The following TRMT10A variants were observed in gnomAD, a reference collection of about 807,000 sequenced individuals.
The protein encoded by TRMT10A is tRNA methyltransferase 10 homolog A.
Under a neutral mutation model 40.4 loss-of-function variants are expected in TRMT10A, and 37 were observed. That is an observed-to-expected ratio of 0.92 (90% confidence interval 0.71 to 1.21). The LOEUF is 1.21. Among genes scored for constraint, TRMT10A ranks in the 50% most tolerant of loss-of-function variants. TRMT10A has a pLI of 0.00. For synonymous variants in TRMT10A, 103 were observed against 134.1 expected, an observed-to-expected ratio of 0.77 and a Z score of 1.60; for missense variants, 388 against 404.3, an observed-to-expected ratio of 0.96 and a Z score of 0.35.
chr4:99,556,745 ATATC>A (rs1483630323), intron 4 of TRMT10A, among the ~76,000 whole-genome samples: 1 of 152,194 alleles, frequency 6.6e-6, no homozygotes, highest in Non-Finnish European at 1.5e-5. Flanking sequence ...TAAAAACAAA[ATATC>A]TAACCAAAAT....
At position 99,549,191 on chromosome 4, in the gene TRMT10A, G is replaced by C; in HGVS notation, c.917C>G (p.Ser306Cys). The C allele has an allele frequency of 6.2e-7, 1 of 1,613,924 alleles. No homozygotes were observed. Residue 306 changes from serine to cysteine, a missense_variant, in exon 8 of 8, where the codon TCC (serine) becomes TGC (cysteine). Transcript: ENST00000394876. ...RMEEGGSDSD[S>C]SEEEYSRNEL... is the part of the protein sequence containing the mutation. ...ATTTCTGCTATATTCCTCCTCACTG[G>C]AATCACTGTCCGATCCACCTTCCTC...
Position 99,558,136 on chromosome 4 carries a change from A to G in TRMT10A, c.261T>C (p.His87=). The G allele has an allele frequency of 6.2e-7, 1 of 1,612,618 alleles. No individual in the cohort carries two copies. The highest frequency in any genetic ancestry group is 8.5e-7 in the Non-Finnish European group (1 of 1,179,398). ...CATCTCTTCGAACACGTTTTCTGTC[A>G]TGTCCATCTGAGTTTGGTTCCATTT... is the stretch of plus-strand genomic sequence containing the variant. ...QCQMEPNSDG[H]DRKRVRRDVV... The change falls in exon 3 of 8, where the codon CAT becomes CAC. Residue 87 remains histidine (H), a synonymous_variant. Transcript: ENST00000394876.
Position 99,548,765 on chromosome 4 carries a change from C to A in TRMT10A, c.*323G>T. 5.3e-6 allele frequency: 1 copy of A among 189,286 alleles called. No individual in the cohort carries two copies. The allele number at this position is 189,286 out of a possible 1,614,324, so 11.7% of individuals were successfully genotyped here. A position where few individuals can be genotyped will look rare whatever the true frequency, so the allele number is the denominator to read the frequency against. On this transcript the variant is annotated 3_prime_UTR_variant, in exon 8 of 8. Coordinates refer to ENST00000394876, the MANE Select transcript of TRMT10A (RefSeq NM_001134665.3). ...CTATAAAATTAAAAAACTGAAAGGT[C>A]AGAAGGCACATTCTAAAGAATATAA...
At chr4:99,550,002 T>C (rs1032220839) in intron 7 of TRMT10A, among the ~76,000 whole-genome samples, 5 of 152,210 alleles carry the variant, frequency 3.3e-5, no homozygotes, top group African/African-American at 9.7e-5. Flanking sequence ...TAATAAGTAG[T>C]TGTGTATTGA....
intron 3 of TRMT10A, 141 bp downstream of exon 3, chr4:99,557,908 T>C (rs1578212030): frequency 5.5e-6 from 4 of 728,716 alleles, no homozygotes; most frequent in Admixed American, 3.5e-5. Context: ...ATTTGCTAGC[T>C]AATTTAACTT....
intron 1 of TRMT10A, among the ~76,000 whole-genome samples, chr4:99,562,201 A>ATATG (rs374134499): frequency 2.9e-4 from 39 of 136,186 alleles, no homozygotes; most frequent in South Asian, 1.9e-3. Context: ...ATATATATAT[A>ATATG]TGTGTGTGTG....
Position 99,547,583 on chromosome 4 carries a change from G to GA in TRMT10A, c.*1504dup, listed in dbSNP as rs1723785809. On this transcript the variant is annotated 3_prime_UTR_variant, in exon 8 of 8. Coordinates refer to ENST00000394876, the MANE Select transcript of TRMT10A (RefSeq NM_001134665.3). The stretch of plus-strand genomic sequence containing the variant: ...TTTACTCAGAAAAACATGAACCTTT[G>GA]AAAAAATACAACTTAAGACATAAGC... 1.3e-5 allele frequency: 2 copies of GA among 151,822 alleles called. No individual in the cohort carries two copies. Among genetic ancestry groups the GA allele is most frequent in the African/African-American group, 4.8e-5 (2 of 41,338 alleles). The allele number at this position is 151,822 out of a possible 1,614,324, so 9.4% of individuals were successfully genotyped here.
rs755516720 is a variant in TRMT10A at position 99,549,123 on chromosome 4, G to C, written c.985C>G (p.His329Asp). Residue 329 changes from histidine to aspartate, a missense_variant, in exon 8 of 8, where the codon CAC becomes GAC. By Grantham distance (81) the His-to-Asp change is moderately conservative. Transcript: ENST00000394876. ...AGAGAGTTCACTGTAGATTCAGTGT[G>C]ATTTTCCTTATCCTGCTTTTCTTCA... The part of the protein sequence containing the change: ...PHEEKQDKEN[H>D]TESTVNSLPH 2 of 1,614,034 alleles carry C rather than the reference G, an allele frequency of 1.2e-6. No homozygotes were observed. Among genetic ancestry groups the C allele is most frequent in the Non-Finnish European group, 1.7e-6 (2 of 1,179,954 alleles).
chr4:99,551,023 C>A, intron 6 of TRMT10A, 33 bp from the exon 7 acceptor site: 1 of 1,435,944 alleles, frequency 7.0e-7, no homozygotes, highest in Non-Finnish European at 9.6e-7. Flanking sequence ...TCGACAAGAA[C>A]ATTAAATTAT....
chr4:99,557,528 C>T, intron 3 of TRMT10A, 112 bp from the exon 4 acceptor site: 1 of 808,800 alleles, frequency 1.2e-6, no homozygotes, highest in Non-Finnish European at 1.9e-6. Context: ...TACAATTTTT[C>T]TTCTTAAATA....
chr4:99,554,013 C>T (rs879551628), intron 5 of TRMT10A, 79 bp from the exon 6 acceptor site: 20 of 1,407,090 alleles, frequency 1.4e-5, no homozygotes, highest in Non-Finnish European at 1.6e-5. Flanking sequence ...TCTCTTTTCC[C>T]AAAACAAATC....
Position 99,549,267 on chromosome 4 carries a change from T to C in TRMT10A, c.841A>G (p.Thr281Ala). 2 of 1,614,158 alleles carry C rather than the reference T, an allele frequency of 1.2e-6. No individual in the cohort carries two copies. Among genetic ancestry groups the C allele is most frequent in the Non-Finnish European group, 1.7e-6 (2 of 1,180,004 alleles). The change falls in exon 8 of 8, where the codon ACA (threonine) becomes GCA (alanine). Residue 281 changes from threonine to alanine, a missense_variant. Thr to Ala is a moderately conservative substitution (Grantham distance 58). Coordinates refer to ENST00000394876, the MANE Select transcript of TRMT10A (RefSeq NM_001134665.3). ...ILPQRKGAVP[T>A]DKACESASHD... is the part of the protein sequence containing the mutation. Reference sequence around the variant, plus strand: ...GAAGCACTTTCACAGGCTTTGTCTGTGGGAACAGCTCCTTTCCGTTGGGGC... The same window carrying C: ...GAAGCACTTTCACAGGCTTTGTCTGCGGGAACAGCTCCTTTCCGTTGGGGC...
chr4:99,560,374 A>T (rs2110194046), intron 1 of TRMT10A, among the ~76,000 whole-genome samples: 1 of 152,294 alleles, frequency 6.6e-6, no homozygotes, highest in African/African-American at 2.4e-5. Context: ...AGACATAAAA[A>T]GTTCAATAGA....
intron 5 of TRMT10A, among the ~76,000 whole-genome samples, 188 bp from the exon 6 acceptor site, chr4:99,554,122 T>C (rs1724069360): frequency 6.6e-6 from 1 of 152,170 alleles, no homozygotes; most frequent in South Asian, 2.1e-4. Flanking sequence ...CTTTGATCAT[T>C]TAAATAGCCT....
At chr4:99,561,285 A>G (rs187998415) in intron 1 of TRMT10A, among the ~76,000 whole-genome samples, 63 of 152,166 alleles carry the variant, frequency 4.1e-4, no homozygotes, top group African/African-American at 1.1e-3. Context: ...CTTTTTAAAG[A>G]GCAATGTAAT....
intron 6 of TRMT10A, among the ~76,000 whole-genome samples, chr4:99,553,183 T>G (rs111694387): frequency 0.023 from 3,527 of 152,244 alleles, 107 homozygotes; most frequent in Middle Eastern, 0.1. Flanking sequence ...TTTCAAGTGC[T>G]CAATAGCCAC....
chr4:99,559,169 T>C lies in TRMT10A; in HGVS notation c.170A>G (p.Gln57Arg), dbSNP rs750640841. 2 of 1,612,446 alleles carry C rather than the reference T, an allele frequency of 1.2e-6. No individual in the cohort carries two copies. Among genetic ancestry groups the C allele is most frequent in the Non-Finnish European group, 1.7e-6 (2 of 1,179,022 alleles). ...AAACACATACTTGCGGAGTTCCCGTTGCTCTTCCCATTGTTTCTGTTTTAT... is the reference window on the plus strand; with the variant it reads ...AAACACATACTTGCGGAGTTCCCGTCGCTCTTCCCATTGTTTCTGTTTTAT... Reference protein sequence around the residue: ...KLIKQKQWEEQRELRKQKRKE... With the variant: ...KLIKQKQWEERRELRKQKRKE... The change falls in exon 2 of 8, where the codon CAA becomes CGA. Residue 57 changes from glutamine (Q) to arginine (R), a missense_variant. Physicochemically the swap from Gln to Arg is conservative, Grantham distance 43 (BLOSUM62 1). Transcript: ENST00000394876.
chr4:99,556,939 C>G (rs1258426380), intron 4 of TRMT10A, among the ~76,000 whole-genome samples: 1 of 152,108 alleles, frequency 6.6e-6, no homozygotes, highest in African/African-American at 2.4e-5. Context: ...AACTAAAAAC[C>G]TTTAAGTAGA....
rs746764425 is a variant in TRMT10A at position 99,550,959 on chromosome 4, C to A, written c.677G>T (p.Gly226Val). Residue 226 changes from glycine to valine, a missense_variant, in exon 7 of 8, where the codon GGA (glycine) becomes GTA (valine). Transcript: ENST00000394876. ...GLTYKQASDY[G>V]INHAQLPLGN... ...AAGTGGGAGCTGTGCATGATTGATT[C>A]CATAATCTGACGCTTGTTTATATGT... 1.2e-6 allele frequency: 2 copies of A among 1,612,264 alleles called. No individual in the cohort carries two copies. The highest frequency in any genetic ancestry group is 1.7e-6 in the Non-Finnish European group (2 of 1,179,150).
Sources: gnomAD v4.1 joint callset for allele counts (sites outside exome capture counted in the v4.1 genomes callset) on GRCh38, gnomAD v4.1.1 for gene constraint, MANE v1.5 for transcripts, NCBI Gene and HGNC (gene_info 2026-07-23, HGNC 2026-07-21) for gene names.